Variants in PRELID2 observed in about 807,000 individuals in gnomAD.
PRELID2 encodes PRELI domain-containing protein 2.
PRELID2 carries 25 observed loss-of-function variants against 28.4 expected under a neutral mutation model. That is an observed-to-expected ratio of 0.88 (90% CI 0.64 to 1.23). The LOEUF (loss-of-function observed/expected upper bound fraction) is 1.23, where lower values mean the gene tolerates loss of function less well. PRELID2 is among the 50% of genes most tolerant of loss of function. The pLI is 0.00. For synonymous variants in PRELID2, 76 were observed against 71.6 expected (o/e 1.06, Z -0.31); for missense variants, 201 against 214.4 (o/e 0.94, Z 0.39).
the PRELID2 span, among the ~76,000 whole-genome samples, chr5:145,440,468 C>A: frequency 6.6e-6 from 1 of 152,026 alleles, no homozygotes; most frequent in South Asian, 2.1e-4. Flanking sequence ...GGAGCCATAC[C>A]AGTTGTATCT....
the PRELID2 span, among the ~76,000 whole-genome samples, chr5:145,465,415 C>G: frequency 6.6e-6 from 1 of 152,050 alleles, no homozygotes; most frequent in Non-Finnish European, 1.5e-5. Context: ...GCAATGAATT[C>G]CATTGTGTGA....
intron 1 of PRELID2, among the ~76,000 whole-genome samples, chr5:145,740,907 T>A (rs1756688133): frequency 2.6e-5 from 2 of 77,246 alleles, no homozygotes; most frequent in African/African-American, 4.6e-5. Context: ...GATAAATATA[T>A]ATGTACATAT....
At chr5:145,300,442 A>G in the PRELID2 span, among the ~76,000 whole-genome samples, 18,408 of 152,114 alleles carry the variant, frequency 0.12, 2,598 homozygotes, top group African/African-American at 0.35. Flanking sequence ...ATAAAATACA[A>G]TCATTAATTT....
At chr5:145,250,506 A>C in the PRELID2 span, among the ~76,000 whole-genome samples, 8 of 152,150 alleles carry the variant, frequency 5.3e-5, no homozygotes, top group Admixed American at 2.6e-4. Context: ...AATCATTGAT[A>C]TGAAGACTAG....
chr5:145,479,286 G>T (rs1453794731), intron 1 of PRELID2, among the ~76,000 whole-genome samples: 1 of 152,102 alleles, frequency 6.6e-6, no homozygotes, highest in Non-Finnish European at 1.5e-5. Flanking sequence ...TCAAAAGTTG[G>T]TGCCATAGTT....
At chr5:145,749,161 A>C (rs183688387) in intron 1 of PRELID2, among the ~76,000 whole-genome samples, 3 of 152,338 alleles carry the variant, frequency 2.0e-5, no homozygotes, top group Non-Finnish European at 4.4e-5. Flanking sequence ...AGCAAAAGAA[A>C]CTATCATCAG....
chr5:145,753,994 A>G (rs942650232), downstream of PRELID2, among the ~76,000 whole-genome samples: 6 of 152,110 alleles, frequency 3.9e-5, no homozygotes, highest in Admixed American at 2.0e-4. Context: ...CACACAAGTC[A>G]GCATGCTACC....
intron 5 of PRELID2, among the ~76,000 whole-genome samples, chr5:145,793,110 G>C (rs1416075316): frequency 6.6e-6 from 1 of 152,092 alleles, no homozygotes; most frequent in East Asian, 1.9e-4. Context: ...ACTGGTGTGT[G>C]AAAAGTCAGC....
At chr5:145,675,992 G>A (rs1158472501) in intron 1 of PRELID2, among the ~76,000 whole-genome samples, 4 of 152,106 alleles carry the variant, frequency 2.6e-5, no homozygotes, top group South Asian at 2.1e-4. Context: ...AGGCCAAGGC[G>A]GTTGGATCAC....
intron 1 of PRELID2, among the ~76,000 whole-genome samples, chr5:145,551,226 C>T (rs893560769): frequency 6.6e-6 from 1 of 151,912 alleles, no homozygotes; most frequent in Non-Finnish European, 1.5e-5. Context: ...CATGGTGAAA[C>T]CTTGTCTCTA....
chr5:145,328,299 C>A, the PRELID2 span, among the ~76,000 whole-genome samples: 1 of 152,104 alleles, frequency 6.6e-6, no homozygotes, highest in African/African-American at 2.4e-5. Flanking sequence ...GGTATATACC[C>A]AATAATGGGA....
At chr5:145,323,952 T>C in the PRELID2 span, among the ~76,000 whole-genome samples, 1 of 152,252 alleles carries the variant, frequency 6.6e-6, no homozygotes. Flanking sequence ...TATGGTATAA[T>C]GATTTTCTTT....
intron 1 of PRELID2, among the ~76,000 whole-genome samples, chr5:145,742,179 A>ATAAATAAATATACATTTTT (rs1756838860): frequency 1.1e-5 from 1 of 92,602 alleles, no homozygotes; most frequent in Admixed American, 1.6e-4. Flanking sequence ...ATTAATTATA[A>ATAAATAAATATACATTTTT]ATTTATATAT....
At chr5:145,726,809 C>T (rs1756180429) in intron 1 of PRELID2, among the ~76,000 whole-genome samples, 1 of 152,218 alleles carries the variant, frequency 6.6e-6, no homozygotes, top group South Asian at 2.1e-4. Context: ...ATTAACTTTT[C>T]ACACTTTGAA....
chr5:145,588,515 C>T (rs890725206), intron 1 of PRELID2, among the ~76,000 whole-genome samples: 2 of 152,100 alleles, frequency 1.3e-5, no homozygotes, highest in Non-Finnish European at 2.9e-5. Flanking sequence ...TTCTTATATT[C>T]ATACTCACAT....
rs1754945235 is a variant in PRELID2 at position 145,823,131 on chromosome 5, G to A, written c.79C>T (p.Pro27Ser). The change falls in exon 2 of 7, where the codon CCC becomes TCC. Residue 27 changes from proline to serine, a missense_variant. By Grantham distance (74) the Pro-to-Ser change is moderately conservative (BLOSUM62 -1). Coordinates refer to ENST00000683046, the MANE Select transcript of PRELID2 (RefSeq NM_205846.3). Reference sequence around the variant, plus strand: ...ATGACATTTTTATCCATGGGGTTGGGGTACTAAACAAAAATATATAAAAAA... The same window carrying A: ...ATGACATTTTTATCCATGGGGTTGGAGTACTAAACAAAAATATATAAAAAA... ...QVVASFLRKYPNPMDKNVISV... is the reference protein window; with the variant it reads ...QVVASFLRKYSNPMDKNVISV... 6.8e-7 allele frequency: 1 copy of A among 1,474,408 alleles called. No homozygotes were observed. The highest frequency in any genetic ancestry group is 9.5e-7 in the Non-Finnish European group (1 of 1,054,106). 91.3% of individuals were successfully genotyped at this position (1,474,408 alleles called of 1,614,324 possible).
intron 1 of PRELID2, among the ~76,000 whole-genome samples, chr5:145,513,992 G>C (rs1201866195): frequency 6.6e-6 from 1 of 152,060 alleles, no homozygotes; most frequent in Non-Finnish European, 1.5e-5. Flanking sequence ...GCTCCTGAAG[G>C]AAGCACTAAA....
chr5:145,275,555 C>T, the PRELID2 span, among the ~76,000 whole-genome samples: 4 of 151,956 alleles, frequency 2.6e-5, no homozygotes, highest in African/African-American at 9.7e-5. Context: ...TGCATGAAGC[C>T]GGTAGGACTA....
At chr5:145,738,687 G>A (rs973519638) in intron 1 of PRELID2, among the ~76,000 whole-genome samples, 1 of 152,134 alleles carries the variant, frequency 6.6e-6, no homozygotes, top group Non-Finnish European at 1.5e-5. Flanking sequence ...TTCAAGATAT[G>A]TGGGACTAAA....
Sources: allele counts gnomAD v4.1 joint callset (sites outside exome capture counted in the v4.1 genomes callset), GRCh38; gene constraint gnomAD v4.1.1; transcripts MANE v1.5; gene names NCBI Gene and HGNC (gene_info 2026-07-23, HGNC 2026-07-21).